Variants in PCDH11X observed in about 807,000 individuals in gnomAD.
PCDH11X encodes protocadherin 11 X-linked, also known as protocadherin-11 X-linked.
PCDH11X carries 18 observed loss-of-function variants against 53.3 expected under a neutral mutation model. The observed-to-expected ratio is 0.34, with a 90% CI of 0.23 to 0.50. The LOEUF (loss-of-function observed/expected upper bound fraction) is 0.50, where lower values mean the gene tolerates loss of function less well. PCDH11X is among the 20% of genes least tolerant of loss of function. PCDH11X has a pLI of 0.98. For synonymous variants in PCDH11X, 279 were observed against 393.3 expected, an observed-to-expected ratio of 0.71 and a Z score of 3.44; for missense variants, 570 against 1,032.4, an observed-to-expected ratio of 0.55 and a Z score of 6.14.
intron 10 of PCDH11X, among the ~76,000 whole-genome samples, chrX:92,505,364 G>T (rs1445970495): frequency 9.2e-6 from 1 of 108,306 alleles, no homozygotes; most frequent in East Asian, 2.9e-4. Context: ...CTCAACTTGG[G>T]TTAATTTTTG....
intron 9 of PCDH11X, among the ~76,000 whole-genome samples, chrX:92,426,384 A>T (rs1294095866): frequency 9.3e-6 from 1 of 107,426 alleles, no homozygotes; most frequent in African/African-American, 3.4e-5. Flanking sequence ...TGCAAGGTAG[A>T]GAAAGAGAGC....
chrX:91,867,293 T>C (rs1001179789), intron 5 of PCDH11X, among the ~76,000 whole-genome samples: 3 of 111,708 alleles, frequency 2.7e-5, no homozygotes, highest in African/African-American at 9.8e-5. Flanking sequence ...AAATCACTCC[T>C]AGCTTCGTTG....
intron 6 of PCDH11X, among the ~76,000 whole-genome samples, chrX:92,009,829 A>G (rs1187634440): frequency 9.4e-6 from 1 of 106,336 alleles, no homozygotes; most frequent in Non-Finnish European, 1.9e-5. Flanking sequence ...CAGCCTCCCA[A>G]GTAGCTGGGA....
intron 6 of PCDH11X, among the ~76,000 whole-genome samples, chrX:91,899,228 G>A (rs1940865049): frequency 9.0e-6 from 1 of 110,753 alleles, no homozygotes; most frequent in Admixed American, 9.7e-5. Flanking sequence ...GTGGTCGAAG[G>A]TCCAAGAGTC....
chrX:92,114,404 C>T (rs779667750), intron 6 of PCDH11X: 549 of 1,011,505 alleles, frequency 5.4e-4, no homozygotes, highest in Non-Finnish European at 7.0e-4. Flanking sequence ...ATGACGCCTT[C>T]GGGCTCCATC....
intron 6 of PCDH11X, among the ~76,000 whole-genome samples, chrX:92,059,259 A>T (rs767921488): frequency 9.0e-6 from 1 of 110,548 alleles, no homozygotes; most frequent in Non-Finnish European, 1.9e-5. Flanking sequence ...CCTAACTATA[A>T]TAATGATACC....
At chrX:91,818,653 C>G (rs1602281044) in intron 4 of PCDH11X, among the ~76,000 whole-genome samples, 1 of 108,991 alleles carries the variant, frequency 9.2e-6, no homozygotes, top group Non-Finnish European at 1.9e-5. Context: ...GAGCCAAAAT[C>G]GCACCACTGC....
chrX:92,615,538 C>T (rs2148820052), intron 10 of PCDH11X, among the ~76,000 whole-genome samples: 1 of 111,431 alleles, frequency 9.0e-6, no homozygotes, highest in South Asian at 3.8e-4. Flanking sequence ...AATTCTGGTA[C>T]CTACTGCTGT....
At chrX:92,217,483 A>T (rs985835598) in intron 7 of PCDH11X, among the ~76,000 whole-genome samples, 1 of 99,190 alleles carries the variant, frequency 1.0e-5, no homozygotes, top group African/African-American at 3.7e-5. Flanking sequence ...TAAAGGGATC[A>T]ATTCAACAAG....
chrX:92,270,112 C>CTTTTTTTTTTTTT (rs760007148), intron 8 of PCDH11X, among the ~76,000 whole-genome samples: 3 of 95,607 alleles, frequency 3.1e-5, no homozygotes, highest in Non-Finnish European at 2.1e-5. Flanking sequence ...GCTTCCTTTT[C>CTTTTTTTTTTTTT]TTTTTTTTTT....
chrX:92,593,831 A>G (rs1247688834), intron 10 of PCDH11X, among the ~76,000 whole-genome samples: 3 of 104,934 alleles, frequency 2.9e-5, no homozygotes, highest in African/African-American at 1.0e-4. Context: ...AGAAAATTGT[A>G]AAGAGTTATA....
chrX:92,048,407 T>C (rs2063323544), intron 6 of PCDH11X, among the ~76,000 whole-genome samples: 1 of 111,352 alleles, frequency 9.0e-6, no homozygotes, highest in East Asian at 2.8e-4. Context: ...AAAAAAGCTC[T>C]TATTTAAAGA....
intron 6 of PCDH11X, among the ~76,000 whole-genome samples, chrX:91,918,165 T>A (rs1181628383): frequency 9.1e-6 from 1 of 109,554 alleles, no homozygotes; most frequent in African/African-American, 3.3e-5. Flanking sequence ...TAATTTATTA[T>A]CTCACAGTTC....
At chrX:92,547,032 A>C (rs1207654512) in intron 10 of PCDH11X, among the ~76,000 whole-genome samples, 1 of 109,395 alleles carries the variant, frequency 9.1e-6, no homozygotes, top group Non-Finnish European at 1.9e-5. Context: ...GCATGGGAAG[A>C]AATGATTTTC....
At chrX:91,821,687 C>T (rs1351503090) in intron 4 of PCDH11X, among the ~76,000 whole-genome samples, 3 of 103,345 alleles carry the variant, frequency 2.9e-5, no homozygotes, top group African/African-American at 1.2e-4. Flanking sequence ...CCTAATTGGC[C>T]TGGCCAGAAC....
At chrX:91,988,011 C>A (rs1034538085) in intron 6 of PCDH11X, among the ~76,000 whole-genome samples, 4 of 109,556 alleles carry the variant, frequency 3.7e-5, no homozygotes, top group Non-Finnish European at 7.6e-5. Flanking sequence ...GATATCAAAG[C>A]CAATTCTTTT....
At chrX:91,953,132 A>G (rs1313279413) in intron 6 of PCDH11X, among the ~76,000 whole-genome samples, 8 of 109,866 alleles carry the variant, frequency 7.3e-5, no homozygotes, top group African/African-American at 1.0e-4. Context: ...CTGATATCTG[A>G]TAACACAATA....
chrX:92,081,094 C>T (rs1028910098), intron 6 of PCDH11X, among the ~76,000 whole-genome samples: 6 of 111,430 alleles, frequency 5.4e-5, no homozygotes, highest in Non-Finnish European at 7.5e-5. Flanking sequence ...TACTTTGGAG[C>T]AGTGTGTTTT....
At chrX:91,885,656 C>T (rs184571436) in intron 6 of PCDH11X, among the ~76,000 whole-genome samples, 2 of 111,256 alleles carry the variant, frequency 1.8e-5, no homozygotes, top group African/African-American at 6.5e-5. Context: ...TTCAGTGAAC[C>T]TTTCCTTCAT....
Sources: gnomAD v4.1 joint callset for allele counts (sites outside exome capture counted in the v4.1 genomes callset) on GRCh38, gnomAD v4.1.1 for gene constraint, MANE v1.5 for transcripts, NCBI Gene and HGNC (gene_info 2026-07-23, HGNC 2026-07-21) for gene names.